PRAM1: variants seen among roughly 807,000 people sequenced by gnomAD.
PRAM1 encodes PML-RARA-regulated adapter molecule 1.
In PRAM1, 41 loss-of-function variants were observed where a neutral mutation model predicts 55.3. The ratio of observed to expected loss-of-function variants is 0.74; its 90% confidence interval spans 0.58 to 0.96. PRAM1 has a LOEUF of 0.96. Ranked by LOEUF, PRAM1 falls within the 40% of genes least tolerant of loss-of-function variation. The probability of loss-of-function intolerance (pLI) is 0.00; values close to 1 mark genes in which losing one functional copy is unlikely to be tolerated. For synonymous variants in PRAM1, 401 were observed against 387.1 expected (o/e 1.04, Z -0.42); for missense variants, 898 against 892.7 (o/e 1.01, Z -0.08).
intron 4 of PRAM1, among the ~76,000 whole-genome samples, chr19:8,496,273 G>A (rs1971698097): frequency 6.6e-6 from 1 of 152,124 alleles, no homozygotes; most frequent in Admixed American, 6.6e-5. Flanking sequence ...AATTAACTAG[G>A]CATGGTGGTG....
At position 8,498,923 on chromosome 19, in the gene PRAM1, C is replaced by T; in HGVS notation, c.885G>A (p.Arg295=). The T allele has an allele frequency of 6.2e-7, 1 of 1,613,564 alleles. No individual in the cohort carries two copies. Among genetic ancestry groups the T allele is most frequent in the South Asian group, 1.1e-5 (1 of 91,072 alleles). ...CGCTGACTTCGGGCTCTGAGGAGGT[C>T]CTGGTGAGGTCCCCAAGCTCAGGCT... ...PPQPELGDLT[R]TSSEPEVSVL... Residue 295 remains arginine (R), a synonymous_variant, in exon 2 of 10, where the codon AGG becomes AGA. Coordinates refer to ENST00000423345, the MANE Select transcript of PRAM1 (RefSeq NM_032152.5).
chr19:8,498,646 CG>C lies in PRAM1; in HGVS notation c.1161del (p.Ala388LeufsTer90). On this transcript the variant is annotated frameshift_variant, in exon 2 of 10. Coordinates refer to ENST00000423345, the MANE Select transcript of PRAM1 (RefSeq NM_032152.5). LOFTEE classifies it high-confidence loss of function. The stretch of plus-strand genomic sequence containing the variant: ...GCCGCAGGCAGTGAGCTCTCGGAAG[CG>C]GAGCTGGGGAGTGGAGGCTTTCGAG... ...DLPRKPPLPS[S>X]ASESSLPAAV... The C allele has an allele frequency of 1.9e-6, 3 of 1,611,692 alleles. No individual in the cohort carries two copies. The highest frequency in any genetic ancestry group is 2.5e-6 in the Non-Finnish European group (3 of 1,179,270).
At chr19:8,495,451 G>A (rs186107481) in intron 4 of PRAM1, among the ~76,000 whole-genome samples, 1 of 152,154 alleles carries the variant, frequency 6.6e-6, no homozygotes, top group East Asian at 1.9e-4. Context: ...ATGCGGGCCA[G>A]GCTGGTCTGG....
In PRAM1 at chr19:8,493,396, A is replaced by T. The variant is rs1971655920; in HGVS notation, c.1577-2239T>A. Among the ~76,000 whole-genome samples the T allele has an allele frequency of 6.6e-6, 1 of 152,124 alleles. No homozygotes were observed. On this transcript the variant is annotated intron_variant, in intron 4 of 9. Coordinates refer to ENST00000423345, the MANE Select transcript of PRAM1 (RefSeq NM_032152.5). This position sits in a 1 kb window ranked among gnomAD's most constrained non-coding sequence, Gnocchi z 4.1. ...CCCTCCAGCTGCTCCTGCCTCTCAG[A>T]GGCTTCCCTGGCCGTGAGCAGTCAC...
At position 8,490,958 on chromosome 19, in the gene PRAM1, T is replaced by C; in HGVS notation, c.1672A>G (p.Met558Val). 1 of 1,613,768 alleles carries C rather than the reference T, an allele frequency of 6.2e-7. No individual in the cohort carries two copies. The change falls in exon 6 of 10, where the codon ATG becomes GTG. Residue 558 changes from methionine to valine, a missense_variant. Physicochemically the swap from Met to Val is conservative, Grantham distance 21. Around this residue, in one of 4 missense-constraint regions of PRAM1, gnomAD observed 787 missense variants for 735.4 expected, o/e 1.07. Coordinates refer to ENST00000423345, the MANE Select transcript of PRAM1 (RefSeq NM_032152.5). This position sits in a 1 kb window ranked among gnomAD's most constrained non-coding sequence, Gnocchi z 7.3. ...AGCTGCTTCAGCAACTTTGGGTCCA[T>C]GGGTGGCAACTGCTGTGGCTGGGGA... ...KDPQPQQLPP[M>V]DPKLLKQLRK... is the part of the protein sequence containing the mutation.
intron 4 of PRAM1, among the ~76,000 whole-genome samples, chr19:8,492,246 T>C (rs911373196): frequency 6.1e-5 from 9 of 146,658 alleles, no homozygotes; most frequent in Non-Finnish European, 1.2e-4. Flanking sequence ...TTTTTTTTTT[T>C]GTTTCTTTTG....
At chr19:8,497,636 C>T in intron 4 of PRAM1, 128 bp downstream of exon 4, 1 of 709,928 alleles carries the variant, frequency 1.4e-6, no homozygotes, top group Non-Finnish European at 2.4e-6. Flanking sequence ...TCTGGGCTCC[C>T]CTTATGTAGT....
At position 8,491,374 on chromosome 19, in the gene PRAM1, C is replaced by T. The variant is rs554147456; in HGVS notation, c.1577-217G>A. On this transcript the variant is annotated intron_variant, in intron 4 of 9. Transcript: ENST00000423345. Reference sequence around the variant, plus strand: ...TCAGGCTCCCGAGTAGCTGGGATTACAGGTGTCCATCACCACACCTGGCTG... The same window carrying T: ...TCAGGCTCCCGAGTAGCTGGGATTATAGGTGTCCATCACCACACCTGGCTG... 15 of 606,386 alleles carry T rather than the reference C, an allele frequency of 2.5e-5. No individual in the cohort carries two copies. The South Asian group carries it at 2.8e-4, about 11-fold the overall frequency. 37.6% of individuals were successfully genotyped at this position (606,386 alleles called of 1,614,324 possible).
At chr19:8,495,599 G>T (rs767165660) in intron 4 of PRAM1, among the ~76,000 whole-genome samples, 12 of 152,242 alleles carry the variant, frequency 7.9e-5, no homozygotes, top group Non-Finnish European at 1.5e-4. Flanking sequence ...GGATTTGGGA[G>T]TGGAGGGTAC....
In PRAM1 at chr19:8,498,900, C is replaced by T; in HGVS notation, c.908G>A (p.Ser303Asn). 6.2e-7 allele frequency: 1 copy of T among 1,613,366 alleles called. No individual in the cohort carries two copies. The highest frequency in any genetic ancestry group is 8.5e-7 in the Non-Finnish European group (1 of 1,179,638). ...LTRTSSEPEV[S>N]VLPKRPRPAE... ...CGGCCGCGGCCTCTTGGGAAGCACG[C>T]TGACTTCGGGCTCTGAGGAGGTCCT... Residue 303 changes from serine (S) to asparagine (N), a missense_variant, in exon 2 of 10, where the codon AGC (serine) becomes AAC (asparagine). Transcript: ENST00000423345.
chr19:8,499,142 G>C lies in PRAM1; in HGVS notation c.666C>G (p.Asn222Lys). ...GCTGCGGAGGCTTTTTGGGGTACAC[G>C]TTGAACTCAGGCTGCGCAGGCTTCT... ...FPKKPAQPEF[N>K]VYPKKPPQPQ... Residue 222 changes from asparagine (N) to lysine (K), a missense_variant, in exon 2 of 10, where the codon AAC (asparagine) becomes AAG (lysine). Physicochemically the swap from Asn to Lys is moderately conservative, Grantham distance 94 (BLOSUM62 0). Coordinates refer to ENST00000423345, the MANE Select transcript of PRAM1 (RefSeq NM_032152.5). 1 of 1,613,592 alleles carries C rather than the reference G, an allele frequency of 6.2e-7. No individual in the cohort carries two copies. The highest frequency in any genetic ancestry group is 8.5e-7 in the Non-Finnish European group (1 of 1,179,780).
chr19:8,493,086 T>TCTC lies in PRAM1; in HGVS notation c.1577-1932_1577-1930dup, dbSNP rs1971651885. Among the ~76,000 whole-genome samples, 1 of 151,896 alleles carries TCTC rather than the reference T, an allele frequency of 6.6e-6. No homozygotes were observed. Among genetic ancestry groups the TCTC allele is most frequent in the Admixed American group, 6.6e-5 (1 of 15,248 alleles). ...GATGATGAGACTCTGGACTGAGGGG[T>TCTC]CTCCCATGGTGCCAGTCTCCCTGTG... On this transcript the variant is annotated intron_variant, in intron 4 of 9. Transcript: ENST00000423345. The surrounding 1 kb of genome is among the most constrained non-coding windows in gnomAD (Gnocchi z 4.1).
In PRAM1 at chr19:8,490,774, AGGGCCTCTGCTTGTGCTGCCGCCCTT is replaced by A. The variant is rs1446219895; in HGVS notation, c.1744-44_1744-19del. 2 of 1,607,454 alleles carry A rather than the reference AGGGCCTCTGCTTGTGCTGCCGCCCTT, an allele frequency of 1.2e-6. No individual in the cohort carries two copies. Among genetic ancestry groups the A allele is most frequent in the Non-Finnish European group, 1.7e-6 (2 of 1,179,234 alleles). ...CCTTCAAACTGGGGCGCGAGATGTTAGGGCCTCTGCTTGTGCTGCCGCCCTTGGGCCCCTGTCTTCTTTCTGAGCCT... is the reference window on the plus strand; with the variant it reads ...CCTTCAAACTGGGGCGCGAGATGTTAGGGCCCCTGTCTTCTTTCTGAGCCT... On this transcript the variant is annotated intron_variant, in intron 6 of 9. Coordinates refer to ENST00000423345, the MANE Select transcript of PRAM1 (RefSeq NM_032152.5). This position sits in a 1 kb window ranked among gnomAD's most constrained non-coding sequence, Gnocchi z 7.3.
chr19:8,495,975 C>T (rs140064436), intron 4 of PRAM1: 6,103 of 445,714 alleles, frequency 0.014, 234 homozygotes, highest in African/African-American at 0.087. Context: ...GGCCTGCTCC[C>T]TATTCACCCA....
At chr19:8,502,464 G>GCCCCCC in intron 1 of PRAM1, 101 bp downstream of exon 1, 8 of 216,456 alleles carry the variant, frequency 3.7e-5, no homozygotes, top group East Asian at 1.5e-4. Context: ...GCCACCCCCC[G>GCCCCCC]CCCCCCCGCC....
chr19:8,490,790 C>CGG lies in PRAM1; in HGVS notation c.1744-35_1744-34insCC. ...CGAGATGTTAGGGCCTCTGCTTGTG[C>CGG]TGCCGCCCTTGGGCCCCTGTCTTCT... On this transcript the variant is annotated intron_variant, in intron 6 of 9. Transcript: ENST00000423345. This position sits in a 1 kb window ranked among gnomAD's most constrained non-coding sequence, Gnocchi z 7.3. The CGG allele has an allele frequency of 6.2e-7, 1 of 1,606,664 alleles. No homozygotes were observed. Among genetic ancestry groups the CGG allele is most frequent in the Non-Finnish European group, 8.5e-7 (1 of 1,178,870 alleles).
chr19:8,501,507 A>ATTTTTTTTTTT (rs773534887), intron 1 of PRAM1, among the ~76,000 whole-genome samples: 56 of 102,852 alleles, frequency 5.4e-4, no homozygotes, highest in Non-Finnish European at 6.7e-4. Flanking sequence ...ATGTGTCTTG[A>ATTTTTTTTTTT]TTTTTTTTTT....
intron 4 of PRAM1, among the ~76,000 whole-genome samples, chr19:8,494,324 C>T (rs986886673): frequency 7.9e-5 from 12 of 152,200 alleles, no homozygotes; most frequent in African/African-American, 2.4e-4. Flanking sequence ...CCTGGCCATC[C>T]GCATCCCCAA....
At position 8,498,654 on chromosome 19, in the gene PRAM1, G is replaced by T; in HGVS notation, c.1154C>A (p.Pro385His). ...FGDLPRKPPL[P>H]SSASESSLPA... ...CAGTGAGCTCTCGGAAGCGGAGCTG[G>T]GGAGTGGAGGCTTTCGAGGGAGATC... Residue 385 changes from proline to histidine, a missense_variant, in exon 2 of 10, where the codon CCC (proline) becomes CAC (histidine). Transcript: ENST00000423345. 6.2e-7 allele frequency: 1 copy of T among 1,611,232 alleles called. No homozygotes were observed.
Sources: gnomAD v4.1 joint callset for allele counts (sites outside exome capture counted in the v4.1 genomes callset) on GRCh38, gnomAD v4.1.1 for gene constraint, gnomAD v4.1.1 regional missense constraint, Gnocchi (gnomAD v3.1) non-coding constraint, MANE v1.5 for transcripts, NCBI Gene and HGNC (gene_info 2026-07-23, HGNC 2026-07-21) for gene names.